PGM3: variants seen among roughly 807,000 people sequenced by gnomAD.
PGM3 encodes phosphoglucomutase 3, also known as phosphoacetylglucosamine mutase.
PGM3 carries 40 observed loss-of-function variants against 66.2 expected under a neutral mutation model. The observed-to-expected ratio is 0.60, with a 90% confidence interval of 0.47 to 0.79. The LOEUF (loss-of-function observed/expected upper bound fraction) is 0.79. PGM3 is among the 30% of genes least tolerant of loss of function. The probability of loss-of-function intolerance (pLI) is 0.00; values close to 1 mark genes in which losing one functional copy is unlikely to be tolerated. For missense variants in PGM3, 537 were observed against 643.4 expected (o/e 0.83, Z 1.79); for synonymous variants, 191 against 224.2 (o/e 0.85, Z 1.32).
At chr6:83,151,710 T>C in the PGM3 span, 1 of 1,540,354 alleles carries the variant, frequency 6.5e-7, no homozygotes, top group Non-Finnish European at 8.8e-7. Flanking sequence ...TGCCCTCAAT[T>C]TGAAAATGAG....
At chr6:83,152,188 T>C in the PGM3 span, 1 of 714,142 alleles carries the variant, frequency 1.4e-6, no homozygotes, top group Non-Finnish European at 2.1e-6. Flanking sequence ...CATATACATA[T>C]ATATATACAT....
chr6:83,157,145 T>C (rs1782985592), downstream of PGM3: 2 of 1,599,812 alleles, frequency 1.3e-6, no homozygotes, highest in African/African-American at 1.3e-5. Flanking sequence ...GTGATAAAGA[T>C]TATTTAGTTA....
rs1234581398 is a variant in PGM3 at position 83,188,652 on chromosome 6, C to T, written c.351G>A (p.Leu117=). 6.2e-7 allele frequency: 1 copy of T among 1,613,864 alleles called. No homozygotes were observed. ...CAATAACTACAAAGGCATCTTGTTGCAGATTCACAGCTTCTTTCTCGCTGA... is the reference window on the plus strand; with the variant it reads ...CAATAACTACAAAGGCATCTTGTTGTAGATTCACAGCTTCTTTCTCGCTGA... ...IDISEKEAVN[L]QQDAFVVIGR... The change falls in exon 3 of 13, where the codon CTG becomes CTA. Residue 117 remains leucine (L), a synonymous_variant. Coordinates refer to ENST00000513973, the MANE Select transcript of PGM3 (RefSeq NM_015599.3).
At chr6:83,181,257 G>A (rs1204549475) in intron 6 of PGM3, among the ~76,000 whole-genome samples, 7 of 152,126 alleles carry the variant, frequency 4.6e-5, no homozygotes, top group Non-Finnish European at 7.4e-5. Flanking sequence ...TTCAGATAAG[G>A]TATCTAATAA....
At chr6:83,183,119 T>A (rs946253379) in intron 4 of PGM3, 141 bp from the exon 5 acceptor site, 17 of 729,966 alleles carry the variant, frequency 2.3e-5, no homozygotes, top group Non-Finnish European at 2.4e-5. Context: ...AAAATGATCT[T>A]AAAAAGAAAT....
chr6:83,174,507 A>C lies in PGM3; in HGVS notation c.1129-20T>G. 1 of 1,341,850 alleles carries C rather than the reference A, an allele frequency of 7.5e-7. No individual in the cohort carries two copies. Among genetic ancestry groups the C allele is most frequent in the Non-Finnish European group, 1.0e-6 (1 of 958,592 alleles). The allele number at this position is 1,341,850 out of a possible 1,614,324, so 83.1% of individuals were successfully genotyped here. On this transcript the variant is annotated intron_variant, in intron 9 of 12. Transcript: ENST00000513973. ...CAGTGCCTGCAGCAAAAGAATATAAAATCAGTCTCAAAACACTATCCAAAA... is the reference window on the plus strand; with the variant it reads ...CAGTGCCTGCAGCAAAAGAATATAACATCAGTCTCAAAACACTATCCAAAA...
Position 83,174,479 on chromosome 6 carries a change from A to G in PGM3, c.1137T>C (p.Phe379=), listed in dbSNP as rs1235287635. The G allele has an allele frequency of 1.3e-6, 2 of 1,549,132 alleles. No individual in the cohort carries two copies. The highest frequency in any genetic ancestry group is 3.7e-5 in the Admixed American group (2 of 53,798). ...FEANGHGTAL[F]STAVEMKIKQ... ...TTATCTTCATTTCAACAGCTGTACT[A>G]AACAGTGCCTGCAGCAAAAGAATAT... The change falls in exon 10 of 13, where the codon TTT becomes TTC. Residue 379 remains phenylalanine, a synonymous_variant. Transcript: ENST00000513973.
downstream of PGM3, chr6:83,158,749 C>A (rs968878981): frequency 2.9e-6 from 2 of 693,444 alleles, no homozygotes; most frequent in Non-Finnish European, 4.7e-6. Context: ...TAATTGATTA[C>A]GTTTGGATAT....
the PGM3 span, among the ~76,000 whole-genome samples, chr6:83,151,286 C>A: frequency 3.3e-5 from 5 of 152,174 alleles, no homozygotes; most frequent in African/African-American, 1.2e-4. Flanking sequence ...TACCAAGTAG[C>A]TGGAACTACA....
At chr6:83,155,163 C>T in the PGM3 span, among the ~76,000 whole-genome samples, 31 of 152,134 alleles carry the variant, frequency 2.0e-4, no homozygotes, top group Admixed American at 4.6e-4. Context: ...GAATAGGGAA[C>T]AAGAATTACA....
In PGM3 at chr6:83,168,902, CAAG is replaced by C; in HGVS notation, c.*329_*331del. On this transcript the variant is annotated 3_prime_UTR_variant, in exon 13 of 13. Transcript: ENST00000513973. ...TGTGATGGTGATGGCAAAGATATCA[CAAG>C]GAGTTGGTAATAAGATTTAATTTTC... The C allele has an allele frequency of 9.4e-7, 1 of 1,068,524 alleles. No homozygotes were observed. Among genetic ancestry groups the C allele is most frequent in the Non-Finnish European group, 1.1e-6 (1 of 880,130 alleles). The allele number at this position is 1,068,524 out of a possible 1,614,324, so 66.2% of individuals were successfully genotyped here. A position where few individuals can be genotyped will look rare whatever the true frequency, so the allele number is the denominator to read the frequency against.
At chr6:83,162,717 T>C, downstream of PGM3, 1 of 1,489,222 alleles carries the variant, frequency 6.7e-7, no homozygotes, top group Non-Finnish European at 9.0e-7. Context: ...ATCTTTCTAC[T>C]ACATTATGTG....
the PGM3 span, chr6:83,153,877 G>A: frequency 6.3e-7 from 1 of 1,594,474 alleles, no homozygotes; most frequent in Admixed American, 1.8e-5. Flanking sequence ...GGTTAAGGTG[G>A]TTTTTCTTCC....
In PGM3 at chr6:83,167,583, T is replaced by G; in HGVS notation, c.*1651A>C. 1 of 1,117,286 alleles carries G rather than the reference T, an allele frequency of 9.0e-7. No homozygotes were observed. The highest frequency in any genetic ancestry group is 1.1e-6 in the Non-Finnish European group (1 of 916,272). The allele number at this position is 1,117,286 out of a possible 1,614,324, so 69.2% of individuals were successfully genotyped here. On this transcript the variant is annotated 3_prime_UTR_variant, in exon 13 of 13. Transcript: ENST00000513973. ...AAGCACAACATAAAACTTTTATGTT[T>G]GACTCTATTCCTGTTCAAAGCTATT...
intron 7 of PGM3, 51 bp downstream of exon 7, chr6:83,179,759 T>A: frequency 7.3e-7 from 1 of 1,376,574 alleles, no homozygotes; most frequent in Non-Finnish European, 1.0e-6. Flanking sequence ...AATATGGAAC[T>A]ATTTCACTAC....
At chr6:83,172,294 G>C (rs1787289208) in intron 10 of PGM3, among the ~76,000 whole-genome samples, 1 of 152,172 alleles carries the variant, frequency 6.6e-6, no homozygotes, top group African/African-American at 2.4e-5. Context: ...CAGCTACTCA[G>C]GAGAGGCTGA....
intron 8 of PGM3, among the ~76,000 whole-genome samples, chr6:83,176,790 G>C (rs1292444415): frequency 2.0e-5 from 3 of 152,220 alleles, no homozygotes; most frequent in African/African-American, 7.2e-5. Flanking sequence ...TCATCTGGAA[G>C]ACAGTGAGTT....
At chr6:83,164,676 T>A, downstream of PGM3, 1 of 1,584,388 alleles carries the variant, frequency 6.3e-7, no homozygotes, top group Non-Finnish European at 8.6e-7. Flanking sequence ...GAGGAGGACT[T>A]TAAGACAGTG....
downstream of PGM3, among the ~76,000 whole-genome samples, chr6:83,160,462 A>G (rs926866390): frequency 1.3e-5 from 2 of 152,230 alleles, no homozygotes; most frequent in African/African-American, 2.4e-5. Context: ...GGATTAAACC[A>G]TGTAAGACCT....
Sources: allele counts gnomAD v4.1 joint callset (sites outside exome capture counted in the v4.1 genomes callset), GRCh38; gene constraint gnomAD v4.1.1; transcripts MANE v1.5; gene names NCBI Gene and HGNC (gene_info 2026-07-23, HGNC 2026-07-21).